Variants in TMTC1 observed in about 807,000 individuals in gnomAD.
The protein encoded by TMTC1 is protein O-mannosyl-transferase TMTC1.
In TMTC1, 73 loss-of-function variants were observed where a neutral mutation model predicts 104.8. The observed-to-expected ratio is 0.70, with a 90% CI of 0.58 to 0.85. The LOEUF is 0.85. TMTC1 is among the 40% of genes least tolerant of loss of function. The probability of loss-of-function intolerance (pLI) is 0.00; values close to 1 mark genes in which losing one functional copy is unlikely to be tolerated. For synonymous variants in TMTC1, 434 were observed against 428.7 expected, an observed-to-expected ratio of 1.01 and a Z score of -0.15; for missense variants, 1,035 against 1,096.1, an observed-to-expected ratio of 0.94 and a Z score of 0.79.
chr12:29,675,589 TACACAC>T (rs10605906), intron 5 of TMTC1, among the ~76,000 whole-genome samples: 5,310 of 116,546 alleles, frequency 0.046, 129 homozygotes, highest in Admixed American at 0.076. Context: ...CACATGCAAA[TACACAC>T]ACACACACAC....
At chr12:29,737,823 A>C (rs1327942063) in intron 5 of TMTC1, among the ~76,000 whole-genome samples, 3 of 152,176 alleles carry the variant, frequency 2.0e-5, no homozygotes, top group African/African-American at 7.2e-5. Context: ...CTACTTCCCA[A>C]GGGCGTGGTG....
At chr12:29,610,134 G>A (rs1946806371) in intron 6 of TMTC1, among the ~76,000 whole-genome samples, 1 of 152,136 alleles carries the variant, frequency 6.6e-6, no homozygotes, top group African/African-American at 2.4e-5. Context: ...TGTGTTTCCT[G>A]CCAGGAATCT....
intron 1 of TMTC1, among the ~76,000 whole-genome samples, chr12:29,772,037 A>C (rs973680477): frequency 6.6e-6 from 1 of 152,222 alleles, no homozygotes; most frequent in East Asian, 1.9e-4. Flanking sequence ...ATTTATTCTA[A>C]GTAGCTCCCT....
chr12:29,532,619 A>C (rs1239504606), intron 11 of TMTC1: 1 of 151,728 alleles, frequency 6.6e-6, no homozygotes, highest in East Asian at 1.9e-4. Flanking sequence ...AACAGTGTAT[A>C]AATATTAGTA....
At chr12:29,556,516 T>C (rs1945249708) in intron 10 of TMTC1, among the ~76,000 whole-genome samples, 2 of 152,234 alleles carry the variant, frequency 1.3e-5, no homozygotes, top group Admixed American at 1.3e-4. Flanking sequence ...TCACAAAGAA[T>C]ATTAGCATAT....
intron 5 of TMTC1, among the ~76,000 whole-genome samples, chr12:29,674,211 G>A (rs1008290743): frequency 6.6e-6 from 1 of 152,132 alleles, no homozygotes; most frequent in African/African-American, 2.4e-5. Flanking sequence ...TTATAAGCTA[G>A]GAGACTACGC....
rs1020086530 is a variant in TMTC1, at chr12:29,768,078, G to A, written c.303-3C>T. ...TACCAGTCAAAAATATGTTTAGCCTGTAAAACAAAAGAAAAAAGAAAAAAA... is the reference window on the plus strand; with the variant it reads ...TACCAGTCAAAAATATGTTTAGCCTATAAAACAAAAGAAAAAAGAAAAAAA... On this transcript the variant is annotated splice_region_variant and splice_polypyrimidine_tract_variant and intron_variant, in intron 1 of 17. Transcript: ENST00000539277. The A allele has an allele frequency of 5.2e-6, 8 of 1,552,542 alleles. No homozygotes were observed. The highest frequency in any genetic ancestry group is 3.5e-6 in the Non-Finnish European group (4 of 1,152,094).
intron 5 of TMTC1, among the ~76,000 whole-genome samples, chr12:29,739,750 C>G (rs1942776514): frequency 6.6e-6 from 1 of 151,898 alleles, no homozygotes; most frequent in South Asian, 2.1e-4. Flanking sequence ...GCTCTGTTGC[C>G]CAGGCTGGAG....
At chr12:29,538,629 T>C (rs1452895655) in intron 10 of TMTC1, among the ~76,000 whole-genome samples, 1 of 152,172 alleles carries the variant, frequency 6.6e-6, no homozygotes, top group Middle Eastern at 3.2e-3. Context: ...ACCTTTTACA[T>C]GTGAGCTTAG....
intron 11 of TMTC1, among the ~76,000 whole-genome samples, chr12:29,526,810 G>A (rs1203984781): frequency 2.6e-5 from 4 of 152,022 alleles, no homozygotes; most frequent in Non-Finnish European, 5.9e-5. Context: ...TTTTTCTCCT[G>A]TGGCCTATAA....
chr12:29,759,285 A>G (rs1188570602), intron 2 of TMTC1, among the ~76,000 whole-genome samples: 1 of 152,152 alleles, frequency 6.6e-6, no homozygotes, highest in Non-Finnish European at 1.5e-5. Flanking sequence ...CACTTGAGTT[A>G]ACGAGTTCAA....
chr12:29,524,356 C>T (rs765351912), intron 11 of TMTC1, among the ~76,000 whole-genome samples: 5 of 152,116 alleles, frequency 3.3e-5, no homozygotes, highest in Non-Finnish European at 5.9e-5. Flanking sequence ...ACCCTACAAC[C>T]AAATCTCTGT....
chr12:29,536,026 T>A (rs299455), intron 11 of TMTC1, 183 bp downstream of exon 11: 9 of 578,498 alleles, frequency 1.6e-5, no homozygotes, highest in South Asian at 1.5e-4. Flanking sequence ...AAGCGACCTG[T>A]GATACACAGA....
At chr12:29,572,693 T>A in intron 8 of TMTC1, among the ~76,000 whole-genome samples, 1 of 152,196 alleles carries the variant, frequency 6.6e-6, no homozygotes, top group East Asian at 1.9e-4. Flanking sequence ...GCACCCACAC[T>A]GGGGCTGCTG....
chr12:29,556,345 A>G (rs902545712), intron 10 of TMTC1, among the ~76,000 whole-genome samples: 2 of 152,168 alleles, frequency 1.3e-5, no homozygotes, highest in African/African-American at 4.8e-5. Flanking sequence ...CACCTACAAC[A>G]CAAACTGGGT....
At chr12:29,630,951 TA>T (rs1565722923) in intron 6 of TMTC1, among the ~76,000 whole-genome samples, 1 of 152,224 alleles carries the variant, frequency 6.6e-6, no homozygotes, top group African/African-American at 2.4e-5. Flanking sequence ...ATAGTCATTA[TA>T]GTGAGAGTAT....
intron 6 of TMTC1, among the ~76,000 whole-genome samples, chr12:29,615,421 T>C (rs1423241743): frequency 1.3e-5 from 2 of 152,194 alleles, no homozygotes; most frequent in African/African-American, 4.8e-5. Context: ...TTCTTTTAAA[T>C]CATGTTAAGC....
intron 6 of TMTC1, among the ~76,000 whole-genome samples, chr12:29,627,314 T>C (rs973140942): frequency 6.6e-6 from 1 of 152,132 alleles, no homozygotes; most frequent in Non-Finnish European, 1.5e-5. Flanking sequence ...TAGACATTTC[T>C]CCAGAGAAGA....
chr12:29,741,985 T>C (rs1942838920), intron 5 of TMTC1, among the ~76,000 whole-genome samples: 1 of 152,176 alleles, frequency 6.6e-6, no homozygotes, highest in African/African-American at 2.4e-5. Context: ...AAATCAAAGC[T>C]TTTTTCCATC....
Sources: allele counts gnomAD v4.1 joint callset (sites outside exome capture counted in the v4.1 genomes callset), GRCh38; gene constraint gnomAD v4.1.1; transcripts MANE v1.5; gene names NCBI Gene and HGNC (gene_info 2026-07-23, HGNC 2026-07-21).